Variants in SEMA4B observed in about 807,000 individuals in gnomAD.
The protein encoded by SEMA4B is semaphorin 4B, also known as semaphorin-4B.
In SEMA4B, 55 loss-of-function variants were observed where a neutral mutation model predicts 88.1. The observed-to-expected ratio is 0.62, with a 90% CI of 0.50 to 0.78. The LOEUF (loss-of-function observed/expected upper bound fraction) is 0.78, where lower values mean the gene tolerates loss of function less well. SEMA4B is among the 30% of genes least tolerant of loss of function. The probability of loss-of-function intolerance (pLI) is 0.00; values close to 1 mark genes in which losing one functional copy is unlikely to be tolerated. For missense variants in SEMA4B, 1,062 were observed against 1,111.9 expected (o/e 0.96, Z 0.64); for synonymous variants, 525 against 473.6 (o/e 1.11, Z -1.41).
rs752218801 is a variant in SEMA4B, at chr15:90,225,186, T to C, written c.1405+8T>C. The C allele has an allele frequency of 1.6e-5, 26 of 1,587,574 alleles. No individual in the cohort carries two copies. Among genetic ancestry groups the C allele is most frequent in the Non-Finnish European group, 2.1e-5 (24 of 1,166,774 alleles). The stretch of plus-strand genomic sequence containing the variant: ...TCCTCTTCCTGGGCACTGGTAAGTG[T>C]CTGCAGCCCAGCAGGCTCAGGGGAA... On this transcript the variant is annotated splice_region_variant and intron_variant, in intron 10 of 13. Coordinates refer to ENST00000411539, the MANE Select transcript of SEMA4B (RefSeq NM_198925.4).
In SEMA4B at chr15:90,221,759, C is replaced by T; in HGVS notation, c.855C>T (p.Ile285=). 1 of 1,613,828 alleles carries T rather than the reference C, an allele frequency of 6.2e-7. No homozygotes were observed. ...ENTIVSRIAR[I]CKGDEGGERV... Reference sequence around the variant, plus strand: ...CCATTGTGTCCCGCATTGCCCGCATCTGCAAGGTGAGGGGAACGGGCTGAC... The same window carrying T: ...CCATTGTGTCCCGCATTGCCCGCATTTGCAAGGTGAGGGGAACGGGCTGAC... The change falls in exon 7 of 14, where the codon ATC becomes ATT. Residue 285 remains isoleucine (I), a synonymous_variant. Coordinates refer to ENST00000411539, the MANE Select transcript of SEMA4B (RefSeq NM_198925.4).
At chr15:90,185,924 ATTTTTTT>A (rs398028319) in intron 1 of SEMA4B, among the ~76,000 whole-genome samples, 2 of 55,456 alleles carry the variant, frequency 3.6e-5, no homozygotes, top group East Asian at 5.5e-4. Flanking sequence ...TCTTTTGGTG[ATTTTTTT>A]TTTTTTTTTT....
chr15:90,227,559 C>G lies in SEMA4B; in HGVS notation c.1691C>G (p.Pro564Arg), dbSNP rs374234668. ...CCAGAATTCTCTCTGGCCCTCAGGCCGTGGATCCAGGACATCGAGGGAGCC... is the reference window on the plus strand; with the variant it reads ...CCAGAATTCTCTCTGGCCCTCAGGCGGTGGATCCAGGACATCGAGGGAGCC... ...SLYQPQLATRPWIQDIEGASA... is the reference protein window; with the variant it reads ...SLYQPQLATRRWIQDIEGASA... The change falls in exon 13 of 14, where the codon CCG becomes CGG. Residue 564 changes from proline (P) to arginine (R), a missense_variant and splice_region_variant. Coordinates refer to ENST00000411539, the MANE Select transcript of SEMA4B (RefSeq NM_198925.4). The G allele has an allele frequency of 1.2e-6, 2 of 1,613,866 alleles. No individual in the cohort carries two copies. Among genetic ancestry groups the G allele is most frequent in the African/African-American group, 2.7e-5 (2 of 75,034 alleles).
chr15:90,201,779 CT>C, intron 1 of SEMA4B, 44 bp downstream of exon 1: 1 of 1,376,454 alleles, frequency 7.3e-7, no homozygotes, highest in Non-Finnish European at 9.4e-7. Context: ...GGAAGGAAGG[CT>C]GCCGGGGACG....
Position 90,228,307 on chromosome 15 carries a change from G to A in SEMA4B, c.2178G>A (p.Val726=). ...KEFLVMCTLF[V]LAVLLPVLFL... ...TCCTGGTGATGTGCACGCTCTTTGTGCTGGCCGTGCTGCTCCCAGTTTTAT... is the reference window on the plus strand; with the variant it reads ...TCCTGGTGATGTGCACGCTCTTTGTACTGGCCGTGCTGCTCCCAGTTTTAT... The change falls in exon 14 of 14, where the codon GTG becomes GTA. Residue 726 remains valine (V), a synonymous_variant. Coordinates refer to ENST00000411539, the MANE Select transcript of SEMA4B (RefSeq NM_198925.4). 1.3e-6 allele frequency: 2 copies of A among 1,594,104 alleles called. No individual in the cohort carries two copies. The highest frequency in any genetic ancestry group is 2.3e-5 in the South Asian group (2 of 87,450).
At chr15:90,195,658 G>A (rs1365014878) in intron 1 of SEMA4B, among the ~76,000 whole-genome samples, 1 of 152,170 alleles carries the variant, frequency 6.6e-6, no homozygotes, top group African/African-American at 2.4e-5. Flanking sequence ...CACCCAGGCT[G>A]GAGAGCAGTG....
Position 90,228,970 on chromosome 15 carries a change from A to C in SEMA4B, c.*327A>C. 2.3e-6 allele frequency: 1 copy of C among 427,412 alleles called. No individual in the cohort carries two copies. The highest frequency in any genetic ancestry group is 4.3e-6 in the Non-Finnish European group (1 of 230,610). 26.5% of individuals were successfully genotyped at this position (427,412 alleles called of 1,614,324 possible). On this transcript the variant is annotated 3_prime_UTR_variant, in exon 14 of 14. Coordinates refer to ENST00000411539, the MANE Select transcript of SEMA4B (RefSeq NM_198925.4). ...ACTAGAATGAGAGGGAAGAGATAGCATGGCATGCAGCACACACGGCTGCTC... is the reference window on the plus strand; with the variant it reads ...ACTAGAATGAGAGGGAAGAGATAGCCTGGCATGCAGCACACACGGCTGCTC...
intron 4 of SEMA4B, 47 bp from the exon 5 acceptor site, chr15:90,220,935 C>G (rs1961797230): frequency 7.8e-7 from 1 of 1,282,604 alleles, no homozygotes; most frequent in Non-Finnish European, 1.1e-6. Flanking sequence ...AAGCCTGCTC[C>G]TCATTCCCTG....
intron 1 of SEMA4B, chr15:90,214,972 C>G (rs1017961286): frequency 7.8e-7 from 1 of 1,277,300 alleles, no homozygotes. Flanking sequence ...CAGGTAAACA[C>G]ACATGAAGTC....
At chr15:90,186,944 A>G (rs559717036) in intron 1 of SEMA4B, among the ~76,000 whole-genome samples, 2 of 152,254 alleles carry the variant, frequency 1.3e-5, no homozygotes, top group South Asian at 4.1e-4. Flanking sequence ...AAAAATAATA[A>G]TAATAAAAAA....
intron 13 of SEMA4B, 125 bp downstream of exon 13, chr15:90,227,767 C>T (rs979890982): frequency 6.2e-6 from 9 of 1,460,688 alleles, no homozygotes; most frequent in Non-Finnish European, 7.5e-6. Context: ...GTAAGCAGGT[C>T]CCCAGGAAGA....
At position 90,201,527 on chromosome 15, in the gene SEMA4B, G is replaced by C. The variant is rs1290219301; in HGVS notation, c.-52G>C. On this transcript the variant is annotated 5_prime_UTR_variant, in exon 1 of 14. Transcript: ENST00000411539. Reference sequence around the variant, plus strand: ...GGGCGGAGCTGCCGCCCGTGAGTCCGGCCGAGCCACCTGAGCCCGAGCCGC... The same window carrying C: ...GGGCGGAGCTGCCGCCCGTGAGTCCCGCCGAGCCACCTGAGCCCGAGCCGC... The C allele has an allele frequency of 7.4e-7, 1 of 1,350,866 alleles. No individual in the cohort carries two copies. The highest frequency in any genetic ancestry group is 9.5e-7 in the Non-Finnish European group (1 of 1,056,450). 83.7% of individuals were successfully genotyped at this position (1,350,866 alleles called of 1,614,324 possible).
At chr15:90,206,892 T>G in intron 1 of SEMA4B, 1 of 705,680 alleles carries the variant, frequency 1.4e-6, no homozygotes, top group Non-Finnish European at 2.6e-6. Flanking sequence ...GTTGCAGTTG[T>G]ATAGTAGTTA....
At chr15:90,205,643 C>G (rs138314829) in intron 1 of SEMA4B, among the ~76,000 whole-genome samples, 1 of 152,182 alleles carries the variant, frequency 6.6e-6, no homozygotes, top group African/African-American at 2.4e-5. Flanking sequence ...ATGCTGCATC[C>G]GTAGTAAAAA....
chr15:90,222,699 G>T (rs1351361726), intron 7 of SEMA4B, among the ~76,000 whole-genome samples: 1 of 152,122 alleles, frequency 6.6e-6, no homozygotes, highest in Non-Finnish European at 1.5e-5. Context: ...GCTGGCCTAG[G>T]ATCTTGGGCA....
At chr15:90,188,560 G>A (rs576330846) in intron 1 of SEMA4B, among the ~76,000 whole-genome samples, 81 of 152,038 alleles carry the variant, frequency 5.3e-4, no homozygotes, top group Non-Finnish European at 7.9e-4. Context: ...CCTGGGAGGC[G>A]GAGGCTGCAG....
At chr15:90,214,678 G>A (rs1430021334) in intron 1 of SEMA4B, among the ~76,000 whole-genome samples, 1 of 148,938 alleles carries the variant, frequency 6.7e-6, no homozygotes, top group African/African-American at 2.5e-5. Context: ...CCAAATGGCT[G>A]ATATGTGTTC....
rs1209313477 is a variant in SEMA4B at position 90,212,285 on chromosome 15, G to A, written c.158-5154G>A. Among the ~76,000 whole-genome samples the A allele has an allele frequency of 5.3e-5, 8 of 152,188 alleles. No homozygotes were observed. ...ACCAGCCCCGGTCTGCCTTTTTGAA[G>A]GATGATCTGCCTAGTGGGATGCACT... is the stretch of plus-strand genomic sequence containing the variant. On this transcript the variant is annotated intron_variant, in intron 1 of 13. Coordinates refer to ENST00000411539, the MANE Select transcript of SEMA4B (RefSeq NM_198925.4). The surrounding 1 kb of genome is among the most constrained non-coding windows in gnomAD (Gnocchi z 4.0).
intron 1 of SEMA4B, among the ~76,000 whole-genome samples, chr15:90,188,708 G>T (rs193115560): frequency 1.3e-5 from 2 of 151,894 alleles, no homozygotes; most frequent in Non-Finnish European, 2.9e-5. Flanking sequence ...ACAGAGTCTC[G>T]CTCACTCTGG....
Sources: allele counts gnomAD v4.1 joint callset (sites outside exome capture counted in the v4.1 genomes callset), GRCh38; gene constraint gnomAD v4.1.1; non-coding constraint Gnocchi (gnomAD v3.1); transcripts MANE v1.5; gene names NCBI Gene and HGNC (gene_info 2026-07-23, HGNC 2026-07-21).